Variants in ZPBP observed in about 807,000 individuals in gnomAD.
The protein encoded by ZPBP is zona pellucida binding protein.
Under a neutral mutation model 44.8 loss-of-function variants are expected in ZPBP, and 26 were observed. The observed-to-expected ratio is 0.58, with a 90% CI of 0.43 to 0.81. The LOEUF (loss-of-function observed/expected upper bound fraction) is 0.81, where lower values mean the gene tolerates loss of function less well. ZPBP is among the 30% of genes least tolerant of loss of function. The pLI, the probability that ZPBP is intolerant of heterozygous loss-of-function variation, is 0.00. For synonymous variants in ZPBP, 174 were observed against 153.2 expected, an observed-to-expected ratio of 1.14 and a Z score of -1.00; for missense variants, 409 against 434.0, an observed-to-expected ratio of 0.94 and a Z score of 0.51.
chr7:49,904,920 G>A (rs1793004439), intron 1 of ZPBP, among the ~76,000 whole-genome samples: 1 of 151,904 alleles, frequency 6.6e-6, no homozygotes, highest in Non-Finnish European at 1.5e-5. Flanking sequence ...ATTTTTAGTA[G>A]AGATGGGGTT....
At chr7:49,979,104 T>TC (rs982195885) in intron 7 of ZPBP, among the ~76,000 whole-genome samples, 1 of 151,656 alleles carries the variant, frequency 6.6e-6, no homozygotes, top group African/African-American at 2.4e-5. Context: ...TAAGCAAAAT[T>TC]CCCCCCCATA....
At chr7:49,902,227 GT>G (rs1207931281) in intron 1 of ZPBP, among the ~76,000 whole-genome samples, 1 of 151,866 alleles carries the variant, frequency 6.6e-6, no homozygotes, top group Non-Finnish European at 1.5e-5. Flanking sequence ...TCTGAAAGAT[GT>G]TCTCAAAAGA....
At chr7:50,000,039 G>T (rs1294731203) in intron 6 of ZPBP, among the ~76,000 whole-genome samples, 1 of 151,944 alleles carries the variant, frequency 6.6e-6, no homozygotes, top group Non-Finnish European at 1.5e-5. Context: ...TAGATGTAAG[G>T]CTTCTACACT....
intron 6 of ZPBP, among the ~76,000 whole-genome samples, chr7:50,014,634 T>G (rs1259274121): frequency 2.0e-5 from 3 of 151,828 alleles, no homozygotes; most frequent in Non-Finnish European, 4.4e-5. Flanking sequence ...CCGGCTATTT[T>G]TTTTATTTTT....
chr7:49,958,197 G>T (rs1583914767), intron 7 of ZPBP, among the ~76,000 whole-genome samples: 1 of 152,100 alleles, frequency 6.6e-6, no homozygotes, highest in East Asian at 1.9e-4. Context: ...GATGTATTGT[G>T]TCTTGAGTCT....
intron 4 of ZPBP, among the ~76,000 whole-genome samples, chr7:50,032,714 G>T (rs1799657682): frequency 1.3e-5 from 2 of 152,172 alleles, no homozygotes; most frequent in African/African-American, 4.8e-5. Context: ...TTTGCCTTCT[G>T]GGAGTCTGAG....
chr7:50,061,245 A>G (rs557797064), intron 3 of ZPBP, among the ~76,000 whole-genome samples: 3 of 152,300 alleles, frequency 2.0e-5, no homozygotes, highest in African/African-American at 7.2e-5. Context: ...CCCCTTGAGA[A>G]CCAGAACAAG....
intron 6 of ZPBP, among the ~76,000 whole-genome samples, chr7:49,988,018 G>A (rs1289111448): frequency 1.3e-5 from 2 of 152,056 alleles, no homozygotes; most frequent in African/African-American, 4.8e-5. Context: ...AACAAGTTGT[G>A]GAAGAATTGT....
At chr7:50,029,948 C>T (rs1026775614) in intron 5 of ZPBP, among the ~76,000 whole-genome samples, 3 of 152,244 alleles carry the variant, frequency 2.0e-5, no homozygotes, top group African/African-American at 4.8e-5. Context: ...CTCAGCTTCC[C>T]GGGTTCAAGT....
At chr7:49,955,333 C>T (rs1025639996) in intron 7 of ZPBP, among the ~76,000 whole-genome samples, 3 of 151,966 alleles carry the variant, frequency 2.0e-5, no homozygotes, top group African/African-American at 4.8e-5. Context: ...CCAAAGTGGG[C>T]GGATCACAAG....
At position 50,093,175 on chromosome 7, in the gene ZPBP, C is replaced by G; in HGVS notation, c.20G>C (p.Gly7Ala). 6.5e-7 allele frequency: 1 copy of G among 1,536,108 alleles called. No homozygotes were observed. The highest frequency in any genetic ancestry group is 8.8e-7 in the Non-Finnish European group (1 of 1,142,806). Residue 7 changes from glycine (G) to alanine (A), a missense_variant, in exon 1 of 8, where the codon GGC (glycine) becomes GCC (alanine). Transcript: ENST00000046087. Reference protein sequence around the residue: MEAFALGPARRGRRRTR... With the variant: MEAFALAPARRGRRRTR... ...CCGCCGCCTGCCCCGCCGCGCTGGG[C>G]CAAGGGCGAAGGCCTCCATCCACAC... is the stretch of plus-strand genomic sequence containing the variant.
At position 50,016,420 on chromosome 7, in the gene ZPBP, T is replaced by C. The variant is rs149038869; in HGVS notation, c.783+1820A>G. On this transcript the variant is annotated intron_variant, in intron 6 of 7. Coordinates refer to ENST00000046087, the MANE Select transcript of ZPBP (RefSeq NM_007009.3). The stretch of plus-strand genomic sequence containing the variant: ...CCAGAGCTTACTTGAGGGTGGAAGG[T>C]GAGGGTTGAAAAACAACCTATCAGG... 1.6e-4 allele frequency among the ~76,000 whole-genome samples: 24 copies of C among 152,140 alleles called. No homozygotes were observed. In the East Asian group the frequency reaches 4.6e-3, roughly 29 times the overall value.
chr7:49,979,414 T>C (rs1289322081), intron 7 of ZPBP, among the ~76,000 whole-genome samples: 1 of 152,050 alleles, frequency 6.6e-6, no homozygotes, highest in African/African-American at 2.4e-5. Context: ...ACAGAAAATA[T>C]TTTTGAGATT....
At chr7:49,896,953 TG>T (rs1792416376) in intron 2 of ZPBP, among the ~76,000 whole-genome samples, 1 of 146,254 alleles carries the variant, frequency 6.8e-6, no homozygotes, top group Non-Finnish European at 1.5e-5. Context: ...CAGACTGCAG[TG>T]GCGCAATCTC....
At chr7:49,872,192 T>A (rs1458747223) in intron 2 of ZPBP, among the ~76,000 whole-genome samples, 6 of 152,014 alleles carry the variant, frequency 3.9e-5, no homozygotes, top group Admixed American at 3.3e-4. Flanking sequence ...AGTTGATTGG[T>A]CACATTTAAG....
At position 49,855,763 on chromosome 7, in the gene ZPBP, C is replaced by G. The variant is rs10252915; in HGVS notation, n.510-5249G>C. ...CTTGGCCTCCAGGGTCCCTGCCTCC[C>G]CAGAAGCCAGCCCAGCCCTCCCAGC... is the stretch of plus-strand genomic sequence containing the variant. On this transcript the variant is annotated intron_variant and non_coding_transcript_variant, in intron 2 of 2. Coordinates refer to the ZPBP transcript ENST00000465922. Among the ~76,000 whole-genome samples, 688 of 152,242 alleles carry G rather than the reference C, an allele frequency of 4.5e-3. 4 individuals are homozygous for G. Among genetic ancestry groups the G allele is most frequent in the African/African-American group, 0.016 (652 of 41,548 alleles).
At chr7:49,894,691 G>A (rs1181279174) in intron 2 of ZPBP, among the ~76,000 whole-genome samples, 2 of 152,204 alleles carry the variant, frequency 1.3e-5, no homozygotes, top group African/African-American at 2.4e-5. Context: ...GAAAAGCGTG[G>A]GTGGGGGCCT....
chr7:50,017,098 T>C (rs892821847), intron 6 of ZPBP, among the ~76,000 whole-genome samples: 5 of 152,106 alleles, frequency 3.3e-5, no homozygotes, highest in South Asian at 2.1e-4. Context: ...ACTTTATTTA[T>C]ATTATTATTA....
At chr7:50,016,821 A>G (rs1798841322) in intron 6 of ZPBP, among the ~76,000 whole-genome samples, 1 of 152,196 alleles carries the variant, frequency 6.6e-6, no homozygotes, top group Non-Finnish European at 1.5e-5. Flanking sequence ...GAAGAAAATT[A>G]AGATTAAGTG....
Sources: gnomAD v4.1 joint callset for allele counts (sites outside exome capture counted in the v4.1 genomes callset) on GRCh38, gnomAD v4.1.1 for gene constraint, MANE v1.5 for transcripts, NCBI Gene and HGNC (gene_info 2026-07-23, HGNC 2026-07-21) for gene names.